The following ACTL8 variants were observed in gnomAD, a reference collection of about 807,000 sequenced individuals.
ACTL8 encodes the protein actin like 8.
A neutral mutation model predicts 9.3 loss-of-function variants in ACTL8; 3 were observed. That is an observed-to-expected ratio of 0.32 (90% CI 0.15 to 0.83). The LOEUF (loss-of-function observed/expected upper bound fraction) is 0.83, where lower values mean the gene tolerates loss of function less well. Ranked by LOEUF, ACTL8 falls within the 40% of genes least tolerant of loss-of-function variation. The pLI is 0.57. For synonymous variants in ACTL8, 224 were observed against 205.9 expected, an observed-to-expected ratio of 1.09 and a Z score of -0.75; for missense variants, 381 against 492.2, an observed-to-expected ratio of 0.77 and a Z score of 2.14.
Position 17,767,345 on chromosome 1 carries a change from G to T in ACTL8, c.-25+11841G>T, listed in dbSNP as rs1248944205. On this transcript the variant is annotated intron_variant, in intron 1 of 2. Transcript: ENST00000375406. This position sits in a 1 kb window ranked among gnomAD's most constrained non-coding sequence, Gnocchi z 4.7. ...GAGCCGGGGGATGAGGCGGAGGCAG[G>T]GGGGCCAGTGTGGGGGCCGTCCCTG... 6.6e-6 allele frequency among the ~76,000 whole-genome samples: 1 copy of T among 152,102 alleles called. No individual in the cohort carries two copies. The highest frequency in any genetic ancestry group is 2.4e-5 in the African/African-American group (1 of 41,412).
At chr1:17,770,054 G>A (rs138398336) in intron 1 of ACTL8, among the ~76,000 whole-genome samples, 28 of 152,296 alleles carry the variant, frequency 1.8e-4, no homozygotes, top group African/African-American at 6.3e-4. Flanking sequence ...ATGTTGATTT[G>A]TATTTATTGA....
rs542501680 is a variant in ACTL8 at position 17,817,967 on chromosome 1, G to A, written c.-24-5018G>A. Among the ~76,000 whole-genome samples the A allele has an allele frequency of 4.4e-3, 668 of 152,300 alleles. 3 individuals are homozygous for A. Among genetic ancestry groups the A allele is most frequent in the Middle Eastern group, 0.014 (4 of 294 alleles). On this transcript the variant is annotated intron_variant, in intron 1 of 2. Coordinates refer to ENST00000375406, the MANE Select transcript of ACTL8 (RefSeq NM_030812.3). ...TCCACCTGCCTTGGCCTTCCAAAGT[G>A]CTGGGATTACAGGTGTGAGCCACCG...
chr1:17,815,685 G>A (rs1174152020), intron 1 of ACTL8, among the ~76,000 whole-genome samples: 1 of 152,146 alleles, frequency 6.6e-6, no homozygotes, highest in Non-Finnish European at 1.5e-5. Context: ...TGAGCTTCCT[G>A]GCTTTGTAGA....
chr1:17,819,881 C>T (rs1419968803), intron 1 of ACTL8, among the ~76,000 whole-genome samples: 1 of 151,978 alleles, frequency 6.6e-6, no homozygotes, highest in East Asian at 1.9e-4. Context: ...GCATGGCTTG[C>T]ACCTGTAGCC....
chr1:17,780,523 C>T (rs1430392958), intron 1 of ACTL8, among the ~76,000 whole-genome samples: 1 of 152,098 alleles, frequency 6.6e-6, no homozygotes, highest in South Asian at 2.1e-4. Flanking sequence ...ATTTTAAGAC[C>T]GTGGAAAACA....
rs554544513 is a variant in ACTL8 at position 17,813,345 on chromosome 1, G to T, written c.-24-9640G>T. On this transcript the variant is annotated intron_variant, in intron 1 of 2. Transcript: ENST00000375406. ...CTAGTTAAAGATTTTTATGATAAAT[G>T]CATGTTGAATTCTATCCATTGATTT... is the stretch of plus-strand genomic sequence containing the variant. Among the ~76,000 whole-genome samples, 18 of 152,258 alleles carry T rather than the reference G, an allele frequency of 1.2e-4. 1 individual carries two copies. The South Asian group carries it at 3.5e-3, about 30-fold the overall frequency.
intron 1 of ACTL8, among the ~76,000 whole-genome samples, chr1:17,758,946 T>G (rs1448309375): frequency 6.6e-6 from 1 of 152,232 alleles, no homozygotes; most frequent in Admixed American, 6.5e-5. Flanking sequence ...TCCATGGAAC[T>G]GTGATCGGTA....
intron 1 of ACTL8, among the ~76,000 whole-genome samples, chr1:17,791,581 C>T (rs770618445): frequency 3.7e-4 from 57 of 152,162 alleles, no homozygotes; most frequent in Non-Finnish European, 6.9e-4. Flanking sequence ...CATCGGGGTG[C>T]AGAGTGAATG....
intron 1 of ACTL8, among the ~76,000 whole-genome samples, chr1:17,778,780 T>G: frequency 6.6e-6 from 1 of 152,100 alleles, no homozygotes; most frequent in East Asian, 1.9e-4. Context: ...TCTGATTAGC[T>G]TTCGGTGGGG....
chr1:17,780,876 C>T (rs373712475), intron 1 of ACTL8, among the ~76,000 whole-genome samples: 16 of 152,208 alleles, frequency 1.1e-4, no homozygotes, highest in African/African-American at 3.1e-4. Flanking sequence ...GGTCTGTATC[C>T]GGGAGGTTCT....
Position 17,826,465 on chromosome 1 carries a change from C to CT in ACTL8, c.1048dup (p.Tyr350LeufsTer4), listed in dbSNP as rs769638015. ...CGTCCGTGGTGGCTCACCTTTCTAC[C>CT]TACCAGTCTGAGTGGATGTCCCGAG... On this transcript the variant is annotated frameshift_variant, in exon 3 of 3. Coordinates refer to ENST00000375406, the MANE Select transcript of ACTL8 (RefSeq NM_030812.3). LOFTEE classifies it low-confidence loss of function (END_TRUNC). This position sits in a 1 kb window ranked among gnomAD's most constrained non-coding sequence, Gnocchi z 4.5. 1 of 1,610,466 alleles carries CT rather than the reference C, an allele frequency of 6.2e-7. No homozygotes were observed. Among genetic ancestry groups the CT allele is most frequent in the Non-Finnish European group, 8.5e-7 (1 of 1,177,856 alleles).
At chr1:17,822,950 G>A in intron 1 of ACTL8, 35 bp from the exon 2 acceptor site, 1 of 1,465,244 alleles carries the variant, frequency 6.8e-7, no homozygotes. Context: ...GGCCTAGGCT[G>A]CCTGCACAAC....
At chr1:17,785,258 C>CT (rs1281482024) in intron 1 of ACTL8, among the ~76,000 whole-genome samples, 2 of 152,184 alleles carry the variant, frequency 1.3e-5, no homozygotes, top group Admixed American at 1.3e-4. Context: ...CATCCATAGA[C>CT]TGGAAGTAAG....
chr1:17,762,836 C>T (rs946303020), intron 1 of ACTL8, among the ~76,000 whole-genome samples: 4 of 152,122 alleles, frequency 2.6e-5, no homozygotes, highest in African/African-American at 9.7e-5. Context: ...GGGGCTCCCA[C>T]CTCTGGCGCT....
chr1:17,813,885 CAA>C (rs150981926), intron 1 of ACTL8, among the ~76,000 whole-genome samples: 104 of 152,286 alleles, frequency 6.8e-4, no homozygotes, highest in African/African-American at 2.4e-3. Context: ...CCTAAATTGT[CAA>C]AGTGTCAGGT....
Position 17,800,583 on chromosome 1 carries a change from C to CTTTTTTTTTTTTTTTTTTTT in ACTL8, c.-24-22394_-24-22375dup, listed in dbSNP as rs59143238. On this transcript the variant is annotated intron_variant, in intron 1 of 2. Transcript: ENST00000375406. ...CAAACTTCCTTGCCTTGGTGTCAAT[C>CTTTTTTTTTTTTTTTTTTTT]TTTTTTTTTTTTTTTTTTTTTTTTT... Among the ~76,000 whole-genome samples the CTTTTTTTTTTTTTTTTTTTT allele has an allele frequency of 2.9e-4, 20 of 69,156 alleles. 3 individuals are homozygous for CTTTTTTTTTTTTTTTTTTTT. Among genetic ancestry groups the CTTTTTTTTTTTTTTTTTTTT allele is most frequent in the African/African-American group, 1.2e-3 (18 of 15,486 alleles). The allele number at this position is 69,156 out of a possible 152,430, so 45.4% of individuals were successfully genotyped here. A position where few individuals can be genotyped will look rare whatever the true frequency, so the allele number is the denominator to read the frequency against.
chr1:17,790,239 G>T (rs893564118), intron 1 of ACTL8, among the ~76,000 whole-genome samples: 8 of 152,254 alleles, frequency 5.3e-5, no homozygotes, highest in African/African-American at 1.7e-4. Context: ...CACAGCCCTG[G>T]CATGGGGAGC....
chr1:17,772,371 C>T (rs913852080), intron 1 of ACTL8, among the ~76,000 whole-genome samples: 2 of 152,142 alleles, frequency 1.3e-5, no homozygotes, highest in African/African-American at 4.8e-5. Context: ...TTACTCGGCA[C>T]TTCAGGGCCT....
At chr1:17,788,486 A>G (rs1379662411) in intron 1 of ACTL8, among the ~76,000 whole-genome samples, 1 of 152,210 alleles carries the variant, frequency 6.6e-6, no homozygotes, top group East Asian at 1.9e-4. Context: ...GGGGTAGCCA[A>G]AGCCTGAGGA....
Sources: gnomAD v4.1 joint callset for allele counts (sites outside exome capture counted in the v4.1 genomes callset) on GRCh38, gnomAD v4.1.1 for gene constraint, Gnocchi (gnomAD v3.1) non-coding constraint, MANE v1.5 for transcripts, NCBI Gene and HGNC (gene_info 2026-07-23, HGNC 2026-07-21) for gene names.